The following MGAT4C variants were observed in gnomAD, a reference collection of about 807,000 sequenced individuals.
MGAT4C encodes the protein MGAT4 family member C.
A neutral mutation model predicts 40.1 loss-of-function variants in MGAT4C; 19 were observed. The ratio of observed to expected loss-of-function variants is 0.47; its 90% CI spans 0.33 to 0.70. The LOEUF is 0.70. MGAT4C is among the 30% of genes least tolerant of loss of function. MGAT4C has a pLI of 0.02. For missense variants in MGAT4C, 491 were observed against 563.2 expected (o/e 0.87, Z 1.30); for synonymous variants, 181 against 187.1 (o/e 0.97, Z 0.27).
At chr12:86,568,800 C>G (rs922418983) in intron 2 of MGAT4C, among the ~76,000 whole-genome samples, 3 of 151,852 alleles carry the variant, frequency 2.0e-5, no homozygotes, top group Non-Finnish European at 4.4e-5. Flanking sequence ...TGATTTTTAA[C>G]AAAGGCACCA....
intron 2 of MGAT4C, among the ~76,000 whole-genome samples, chr12:86,509,704 T>G (rs1157688538): frequency 6.6e-6 from 1 of 152,222 alleles, no homozygotes; most frequent in Non-Finnish European, 1.5e-5. Context: ...CATGAAATGT[T>G]CTTCCATTTG....
intron 1 of MGAT4C, among the ~76,000 whole-genome samples, chr12:86,818,845 G>A (rs1415469710): frequency 6.6e-6 from 1 of 150,878 alleles, no homozygotes; most frequent in African/African-American, 2.4e-5. Context: ...CATTCTTAAC[G>A]AATGGACAAG....
chr12:85,975,302 ATGTTTTCC>A lies in MGAT4C; in HGVS notation c.*3979_*3986del, dbSNP rs1490005518. 6.6e-6 allele frequency: 1 copy of A among 151,184 alleles called. No homozygotes were observed. Among genetic ancestry groups the A allele is most frequent in the Non-Finnish European group, 1.5e-5 (1 of 67,188 alleles). 9.4% of individuals were successfully genotyped at this position (151,184 alleles called of 1,614,324 possible). On this transcript the variant is annotated 3_prime_UTR_variant, in exon 5 of 5. Coordinates refer to ENST00000611864, the MANE Select transcript of MGAT4C (RefSeq NM_001351288.2). ...TTGATTACAATGAAGGCCTCTGGTA[ATGTTTTCC>A]AGGGTCATATCCTGTTACATATACG...
Position 86,682,076 on chromosome 12 carries a change from T to C in MGAT4C, c.-229+45133A>G, listed in dbSNP as rs558899449. ...GTGAACAGATTTTTGCATCTTAATT[T>C]AAATCTGAATGCAGGTGCATGGTTG... On this transcript the variant is annotated intron_variant, in intron 2 of 7. Transcript: ENST00000548651. Among the ~76,000 whole-genome samples the C allele has an allele frequency of 5.3e-4, 81 of 152,158 alleles. 1 individual carries two copies. The highest frequency in any genetic ancestry group is 7.5e-4 in the Non-Finnish European group (51 of 67,934).
intron 2 of MGAT4C, among the ~76,000 whole-genome samples, chr12:86,524,505 C>A (rs1958847472): frequency 6.6e-6 from 1 of 152,138 alleles, no homozygotes; most frequent in Non-Finnish European, 1.5e-5. Flanking sequence ...AACACTTTTT[C>A]TTTCATTTTG....
intron 1 of MGAT4C, among the ~76,000 whole-genome samples, chr12:86,178,890 T>C (rs1041959968): frequency 6.6e-6 from 1 of 152,226 alleles, no homozygotes; most frequent in Admixed American, 6.5e-5. Context: ...TGCTGTGATC[T>C]TTATGATTTC....
intron 1 of MGAT4C, among the ~76,000 whole-genome samples, chr12:86,184,921 C>T (rs1007393413): frequency 3.9e-5 from 6 of 152,104 alleles, no homozygotes; most frequent in Non-Finnish European, 8.8e-5. Context: ...CGTCAGCCTA[C>T]GTCAACATAA....
intron 2 of MGAT4C, among the ~76,000 whole-genome samples, chr12:86,461,874 G>A (rs2136296211): frequency 6.6e-6 from 1 of 152,228 alleles, no homozygotes; most frequent in South Asian, 2.1e-4. Flanking sequence ...CTAGAATAAG[G>A]TCATATAGCA....
chr12:86,201,462 TA>T (rs35293115), intron 1 of MGAT4C, among the ~76,000 whole-genome samples: 100,407 of 148,632 alleles, frequency 0.68, 34,231 homozygotes, highest in South Asian at 0.75. Flanking sequence ...TTTACATATA[TA>T]AAACATTTCA....
Position 85,980,359 on chromosome 12 carries a change from T to G in MGAT4C, c.367A>C (p.Ile123Leu), listed in dbSNP as rs776746849. The G allele has an allele frequency of 1.9e-6, 3 of 1,613,316 alleles. No individual in the cohort carries two copies. The highest frequency in any genetic ancestry group is 2.5e-6 in the Non-Finnish European group (3 of 1,179,748). Residue 123 changes from isoleucine to leucine, a missense_variant, in exon 5 of 5, where the codon ATT (isoleucine) becomes CTT (leucine). Transcript: ENST00000611864. ...GNYLLETIKS[I>L]FEQSSYEELK... ...TCTTCATAGCTGGATTGCTCAAAAA[T>G]TGACTTAATTGTCTCAAGTAAATAG... is the stretch of plus-strand genomic sequence containing the variant.
At chr12:86,797,802 CTCT>C (rs1025649508) in intron 1 of MGAT4C, among the ~76,000 whole-genome samples, 12 of 151,866 alleles carry the variant, frequency 7.9e-5, no homozygotes, top group African/African-American at 2.9e-4. Flanking sequence ...ATTTGAACCT[CTCT>C]TCTTCTGATA....
chr12:86,126,965 T>C (rs1017992551), intron 1 of MGAT4C, among the ~76,000 whole-genome samples: 2 of 152,180 alleles, frequency 1.3e-5, no homozygotes, highest in African/African-American at 4.8e-5. Context: ...AAGTAGATTC[T>C]TACATGGAAC....
chr12:86,471,819 T>C (rs1957761500), intron 2 of MGAT4C, among the ~76,000 whole-genome samples: 1 of 152,116 alleles, frequency 6.6e-6, no homozygotes, highest in Admixed American at 6.6e-5. Flanking sequence ...GTATTATATG[T>C]TACATAGTAT....
intron 1 of MGAT4C, among the ~76,000 whole-genome samples, chr12:86,192,462 A>G (rs771246510): frequency 1.6e-4 from 24 of 152,120 alleles, no homozygotes; most frequent in Non-Finnish European, 3.2e-4. Flanking sequence ...TGAGGAAATT[A>G]AATGAACTTT....
chr12:85,957,299 C>T lies in MGAT4C; in HGVS notation c.*21990G>A, dbSNP rs1018736856. The T allele has an allele frequency of 1.3e-5, 2 of 152,108 alleles. No homozygotes were observed. Among genetic ancestry groups the T allele is most frequent in the Non-Finnish European group, 2.9e-5 (2 of 68,020 alleles). The allele number at this position is 152,108 out of a possible 1,614,324, so 9.4% of individuals were successfully genotyped here. On this transcript the variant is annotated 3_prime_UTR_variant, in exon 5 of 5. Coordinates refer to ENST00000611864, the MANE Select transcript of MGAT4C (RefSeq NM_001351288.2). ...AAGACCAAGGCCAAGGATCTTGCCC[C>T]TCATTCTATAATGAGGTCATCTCAT...
At chr12:86,705,673 G>T (rs533893881) in intron 2 of MGAT4C, among the ~76,000 whole-genome samples, 16 of 152,132 alleles carry the variant, frequency 1.1e-4, no homozygotes, top group African/African-American at 3.1e-4. Flanking sequence ...AAACAAATTT[G>T]GGAGACTCTA....
intron 2 of MGAT4C, among the ~76,000 whole-genome samples, chr12:86,548,999 TCCTGCCTACTTCACAGGGTAATACTG>T (rs1959228469): frequency 6.6e-6 from 1 of 152,210 alleles, no homozygotes; most frequent in South Asian, 2.1e-4. Context: ...AGGCAATACT[TCCTGCCTACTTCACAGGGTAATACTG>T]CCTGCCTACT....
intron 2 of MGAT4C, among the ~76,000 whole-genome samples, chr12:86,034,583 A>ATT (rs561081545): frequency 6.8e-6 from 1 of 146,420 alleles, no homozygotes; most frequent in African/African-American, 2.5e-5. Flanking sequence ...TTTTTTTTAA[A>ATT]TTTTTTTTTA....
chr12:86,691,805 A>G (rs1950177944), intron 2 of MGAT4C, among the ~76,000 whole-genome samples: 1 of 152,100 alleles, frequency 6.6e-6, no homozygotes, highest in South Asian at 2.1e-4. Context: ...GGAAATCTAA[A>G]TGATAGAAAT....
Sources: gnomAD v4.1 joint callset for allele counts (sites outside exome capture counted in the v4.1 genomes callset) on GRCh38, gnomAD v4.1.1 for gene constraint, MANE v1.5 for transcripts, NCBI Gene and HGNC (gene_info 2026-07-23, HGNC 2026-07-21) for gene names.